Variants in TGM2 observed in about 807,000 individuals in gnomAD.
The protein encoded by TGM2 is transglutaminase 2, also known as protein-glutamine gamma-glutamyltransferase 2.
TGM2 carries 53 observed loss-of-function variants against 75.6 expected under a neutral mutation model. The observed-to-expected ratio is 0.70, with a 90% CI of 0.56 to 0.88. The LOEUF is 0.88. Ranked by LOEUF, TGM2 falls within the 40% of genes least tolerant of loss-of-function variation. TGM2 has a pLI of 0.00. For synonymous variants in TGM2, 374 were observed against 381.1 expected, an observed-to-expected ratio of 0.98 and a Z score of 0.22; for missense variants, 842 against 928.5, an observed-to-expected ratio of 0.91 and a Z score of 1.21.
At chr20:38,149,467 G>T (rs894536678) in intron 4 of TGM2, among the ~76,000 whole-genome samples, 5 of 152,082 alleles carry the variant, frequency 3.3e-5, no homozygotes, top group South Asian at 2.1e-4. Context: ...CACGAGGTCA[G>T]GAGATCGAGA....
rs965089587 is a variant in TGM2 at position 38,165,214 on chromosome 20, G to T, written c.-16C>A. 2.5e-6 allele frequency: 4 copies of T among 1,613,270 alleles called. No individual in the cohort carries two copies. Among genetic ancestry groups the T allele is most frequent in the Non-Finnish European group, 3.4e-6 (4 of 1,179,930 alleles). On this transcript the variant is annotated 5_prime_UTR_variant, in exon 1 of 13. Coordinates refer to ENST00000361475, the MANE Select transcript of TGM2 (RefSeq NM_004613.4). ...CCTCGGCCATGGTCGGGCGGGGGCG[G>T]TGGCTCCTTCCACTGGCGGCGAGAC... is the stretch of plus-strand genomic sequence containing the variant.
In TGM2 at chr20:38,154,502, C is replaced by G. The variant is rs45595935; in HGVS notation, c.433+1345G>C. Reference sequence around the variant, plus strand: ...GACTGGCAACCCCTGCCTCCTCCCCCTTGCTCAAGTCAGTTTCCTTTGTTC... The same window carrying G: ...GACTGGCAACCCCTGCCTCCTCCCCGTTGCTCAAGTCAGTTTCCTTTGTTC... On this transcript the variant is annotated intron_variant, in intron 3 of 12. Transcript: ENST00000361475. 9.1e-3 allele frequency among the ~76,000 whole-genome samples: 1,390 copies of G among 152,312 alleles called. 23 individuals carry two copies. The highest frequency in any genetic ancestry group is 0.032 in the African/African-American group (1,347 of 41,562).
Position 38,131,139 on chromosome 20 carries a change from T to C in TGM2, c.1867A>G (p.Thr623Ala). The C allele has an allele frequency of 6.2e-7, 1 of 1,613,496 alleles. No homozygotes were observed. Among genetic ancestry groups the C allele is most frequent in the Non-Finnish European group, 8.5e-7 (1 of 1,179,946 alleles). The change falls in exon 12 of 13, where the codon ACT (threonine) becomes GCT (alanine). Residue 623 changes from threonine to alanine, a missense_variant. Thr to Ala is a moderately conservative substitution (Grantham distance 58). Transcript: ENST00000361475. Reference sequence around the variant, plus strand: ...TCAGTCAGGCCGGCCCCCTCCACAGTGAAGGTGCAGCCTTCCAGGGCCACA... The same window carrying C: ...TCAGTCAGGCCGGCCCCCTCCACAGCGAAGGTGCAGCCTTCCAGGGCCACA... ...LPVALEGCTFTVEGAGLTEEQ... is the reference protein window; with the variant it reads ...LPVALEGCTFAVEGAGLTEEQ...
chr20:38,160,396 C>T (rs893847131), intron 2 of TGM2, among the ~76,000 whole-genome samples: 1 of 152,230 alleles, frequency 6.6e-6, no homozygotes, highest in African/African-American at 2.4e-5. Context: ...GATGAGACGC[C>T]TGGGGACTTG....
intron 2 of TGM2, among the ~76,000 whole-genome samples, chr20:38,159,552 T>C (rs1327388541): frequency 2.0e-5 from 3 of 151,702 alleles, no homozygotes; most frequent in African/African-American, 7.3e-5. Context: ...GAAAAATAAA[T>C]AAAAAAGAAA....
chr20:38,130,378 A>G lies in TGM2; in HGVS notation c.1914-9T>C. 1 of 1,580,428 alleles carries G rather than the reference A, an allele frequency of 6.3e-7. No individual in the cohort carries two copies. The highest frequency in any genetic ancestry group is 8.6e-7 in the Non-Finnish European group (1 of 1,163,250). ...CCTCCACGGGGTCTGGGCTGCAGGG[A>G]GAGAGGGGGTGGTGAGGAAAGGGGC... On this transcript the variant is annotated splice_polypyrimidine_tract_variant and intron_variant, in intron 12 of 12. Coordinates refer to ENST00000361475, the MANE Select transcript of TGM2 (RefSeq NM_004613.4).
At chr20:38,149,694 A>C (rs1359018034) in intron 4 of TGM2, among the ~76,000 whole-genome samples, 2 of 150,838 alleles carry the variant, frequency 1.3e-5, no homozygotes, top group Admixed American at 6.6e-5. Flanking sequence ...AAAAAAAAAA[A>C]AAAAAAACAG....
chr20:38,165,407 A>G (rs906806223), upstream of TGM2: 2 of 668,582 alleles, frequency 3.0e-6, no homozygotes, highest in Non-Finnish European at 4.9e-6. Flanking sequence ...GGGCTCACCC[A>G]GGGGACCGGA....
At position 38,141,374 on chromosome 20, in the gene TGM2, C is replaced by A; in HGVS notation, c.1007G>T (p.Cys336Phe). The A allele has an allele frequency of 6.3e-7, 1 of 1,582,464 alleles. No homozygotes were observed. Among genetic ancestry groups the A allele is most frequent in the Non-Finnish European group, 8.6e-7 (1 of 1,163,734 alleles). The change falls in exon 8 of 13, where the codon TGC becomes TTC. Residue 336 changes from cysteine (C) to phenylalanine (F), a missense_variant. Cys to Phe is a radical substitution (Grantham distance 205). Transcript: ENST00000361475. ...DKSEMIWNFH[C>F]WVESWMTRPD... ...CCTGGTCATCCACGACTCCACCCAG[C>A]AGTGGAAGTTCCTGAGGGGGATAGG...
At chr20:38,142,816 C>T (rs2074992430) in intron 6 of TGM2, among the ~76,000 whole-genome samples, 1 of 152,234 alleles carries the variant, frequency 6.6e-6, no homozygotes, top group African/African-American at 2.4e-5. Context: ...GGCCCTTGGC[C>T]CTGCAGGGTC....
At chr20:38,137,887 A>C in intron 10 of TGM2, 1 of 989,864 alleles carries the variant, frequency 1.0e-6, no homozygotes, top group Non-Finnish European at 1.4e-6. Flanking sequence ...TCTGTGCCTC[A>C]GTCTACTCAT....
chr20:38,154,171 C>T (rs8116393), intron 3 of TGM2, among the ~76,000 whole-genome samples: 2,554 of 152,172 alleles, frequency 0.017, 77 homozygotes, highest in African/African-American at 0.058. Flanking sequence ...TCATGGTTTA[C>T]TGTTATACTG....
chr20:38,153,743 A>G (rs1051459838), intron 3 of TGM2, among the ~76,000 whole-genome samples: 1 of 152,058 alleles, frequency 6.6e-6, no homozygotes, highest in Admixed American at 6.5e-5. Flanking sequence ...CCCGCAAAAT[A>G]TCTAACAATG....
chr20:38,160,707 C>T (rs1014531035), intron 2 of TGM2, among the ~76,000 whole-genome samples: 4 of 152,188 alleles, frequency 2.6e-5, no homozygotes, highest in Non-Finnish European at 5.9e-5. Flanking sequence ...CTGAAGCTAG[C>T]TGGGCTTTTT....
intron 2 of TGM2, among the ~76,000 whole-genome samples, chr20:38,159,504 C>G (rs2075229321): frequency 6.6e-6 from 1 of 150,656 alleles, no homozygotes; most frequent in South Asian, 2.1e-4. Flanking sequence ...ACCCATGAAC[C>G]TAAAATAAAA....
At chr20:38,167,091 G>A (rs1016934833), upstream of TGM2, among the ~76,000 whole-genome samples, 5 of 152,148 alleles carry the variant, frequency 3.3e-5, no homozygotes, top group Admixed American at 2.0e-4. Context: ...TGCCTTATAC[G>A]TGGTGAGCAT....
chr20:38,150,901 G>T, intron 4 of TGM2, 38 bp downstream of exon 4: 1 of 1,493,704 alleles, frequency 6.7e-7, no homozygotes, highest in Non-Finnish European at 9.3e-7. Context: ...ACACAGAAGG[G>T]CCTGAGATGG....
Position 38,138,307 on chromosome 20 carries a change from G to T in TGM2, c.1421C>A (p.Ala474Asp), listed in dbSNP as rs1378445859. The T allele has an allele frequency of 1.2e-6, 2 of 1,614,054 alleles. No individual in the cohort carries two copies. The highest frequency in any genetic ancestry group is 1.7e-6 in the Non-Finnish European group (2 of 1,180,040). Residue 474 changes from alanine (A) to aspartate (D), a missense_variant, in exon 10 of 13, where the codon GCC becomes GAC. By Grantham distance (126) the Ala-to-Asp change is moderately radical (BLOSUM62 -2). Coordinates refer to ENST00000361475, the MANE Select transcript of TGM2 (RefSeq NM_004613.4). ...GCTCTGGCCCACACGGATCCGCATG[G>T]CCATCCCTGTCTCCTCCTTCTCGGC... ...KLAEKEETGM[A>D]MRIRVGQSMN...
In TGM2 at chr20:38,165,202, C is replaced by CGGGGGG; in HGVS notation, c.-5_-4insCCCCCC. 3.1e-6 allele frequency: 5 copies of CGGGGGG among 1,613,332 alleles called. No homozygotes were observed. Among genetic ancestry groups the CGGGGGG allele is most frequent in the Non-Finnish European group, 4.2e-6 (5 of 1,179,926 alleles). ...TCTGATACTCACCCTCGGCCATGGT[C>CGGGGGG]GGGCGGGGGCGGTGGCTCCTTCCAC... On this transcript the variant is annotated 5_prime_UTR_variant, in exon 1 of 13. Transcript: ENST00000361475.
Sources: gnomAD v4.1 joint callset for allele counts (sites outside exome capture counted in the v4.1 genomes callset) on GRCh38, gnomAD v4.1.1 for gene constraint, MANE v1.5 for transcripts, NCBI Gene and HGNC (gene_info 2026-07-23, HGNC 2026-07-21) for gene names.